The following TMPRSS11F variants were observed in gnomAD, a reference collection of about 807,000 sequenced individuals.
TMPRSS11F encodes transmembrane serine protease 11F.
TMPRSS11F carries 47 observed loss-of-function variants against 60.2 expected under a neutral mutation model. That is an observed-to-expected ratio of 0.78 (90% CI 0.62 to 1.00). The LOEUF (loss-of-function observed/expected upper bound fraction) is 1.00. Among genes scored for constraint, TMPRSS11F ranks in the 50% least tolerant of loss-of-function variants. The probability of loss-of-function intolerance (pLI) is 0.00; values close to 1 mark genes in which losing one functional copy is unlikely to be tolerated. For synonymous variants in TMPRSS11F, 166 were observed against 167.3 expected (o/e 0.99, Z 0.06); for missense variants, 519 against 522.9 (o/e 0.99, Z 0.07).
At position 68,099,480 on chromosome 4, in the gene TMPRSS11F, A is replaced by G. The variant is rs59256773; in HGVS notation, c.12-442T>C. Among the ~76,000 whole-genome samples the G allele has an allele frequency of 2.7e-3, 406 of 152,290 alleles. 5 individuals carry two copies. The East Asian group carries it at 0.049, about 19-fold the overall frequency. On this transcript the variant is annotated intron_variant, in intron 1 of 9. Coordinates refer to ENST00000356291, the MANE Select transcript of TMPRSS11F (RefSeq NM_207407.2). ...TCCCAGTGAAATAAAAAAATGGTGA[A>G]TTGTACTTAGTAAGATTCCACCACT...
At chr4:68,094,929 A>G (rs1027940683) in intron 2 of TMPRSS11F, among the ~76,000 whole-genome samples, 4 of 152,062 alleles carry the variant, frequency 2.6e-5, no homozygotes, top group Admixed American at 2.6e-4. Flanking sequence ...CTGGGTCATG[A>G]AAATGCTTGT....
At chr4:68,058,173 T>C (rs1251688026) in intron 9 of TMPRSS11F, among the ~76,000 whole-genome samples, 1 of 152,190 alleles carries the variant, frequency 6.6e-6, no homozygotes, top group Non-Finnish European at 1.5e-5. Context: ...AGGGTGACTA[T>C]AATCAATAAT....
intron 8 of TMPRSS11F, among the ~76,000 whole-genome samples, chr4:68,060,286 T>C (rs905140891): frequency 1.3e-5 from 2 of 150,134 alleles, no homozygotes; most frequent in Non-Finnish European, 3.0e-5. Context: ...GGCGGGCGGA[T>C]CATGAGGTCA....
chr4:68,068,539 C>T lies in TMPRSS11F; in HGVS notation c.755+79G>A. 6 of 1,254,298 alleles carry T rather than the reference C, an allele frequency of 4.8e-6. No individual in the cohort carries two copies. In the South Asian group the frequency reaches 6.1e-5, roughly 13 times the overall value. 77.7% of individuals were successfully genotyped at this position (1,254,298 alleles called of 1,614,324 possible). A position where few individuals can be genotyped will look rare whatever the true frequency, so the allele number is the denominator to read the frequency against. On this transcript the variant is annotated intron_variant, in intron 7 of 9. Transcript: ENST00000356291. ...TGGAGCAAAGGTTAAACTGGAGAGA[C>T]TGGACTCTTCTGATGCGCTAAATCA...
At chr4:68,085,354 G>A (rs1254416258) in intron 3 of TMPRSS11F, among the ~76,000 whole-genome samples, 9 of 151,862 alleles carry the variant, frequency 5.9e-5, no homozygotes, top group Admixed American at 6.6e-5. Flanking sequence ...CCCACCAACA[G>A]TGTAAAAGTG....
chr4:68,065,767 T>TA (rs11439869), intron 7 of TMPRSS11F, among the ~76,000 whole-genome samples: 89,698 of 147,734 alleles, frequency 0.61, 27,637 homozygotes, highest in East Asian at 0.69. Context: ...TTAAATGTAA[T>TA]AAAAAAAAAA....
intron 2 of TMPRSS11F, among the ~76,000 whole-genome samples, chr4:68,097,685 G>T (rs947227772): frequency 2.0e-5 from 3 of 151,690 alleles, no homozygotes; most frequent in Non-Finnish European, 4.4e-5. Flanking sequence ...TGCTTTTTTT[G>T]TCATTATTTT....
chr4:68,116,274 T>G (rs1724517180), intron 1 of TMPRSS11F, among the ~76,000 whole-genome samples: 1 of 152,182 alleles, frequency 6.6e-6, no homozygotes, highest in Non-Finnish European at 1.5e-5. Context: ...TACATTGGTG[T>G]TGGGAATGCA....
At chr4:68,064,637 G>C (rs1723281960) in intron 8 of TMPRSS11F, 48 bp downstream of exon 8, 2 of 1,585,756 alleles carry the variant, frequency 1.3e-6, no homozygotes, top group Non-Finnish European at 1.7e-6. Flanking sequence ...TAGCTCGTTT[G>C]ATCTCAAGAC....
chr4:68,083,741 T>C (rs1305720096), intron 3 of TMPRSS11F, among the ~76,000 whole-genome samples: 1 of 152,136 alleles, frequency 6.6e-6, no homozygotes, highest in African/African-American at 2.4e-5. Flanking sequence ...TGAAAAAGAA[T>C]AGGTGCAAGA....
intron 1 of TMPRSS11F, among the ~76,000 whole-genome samples, chr4:68,119,759 A>G (rs1724587586): frequency 6.6e-6 from 1 of 152,236 alleles, no homozygotes; most frequent in Non-Finnish European, 1.5e-5. Context: ...AAGGAGATCA[A>G]TGTTGTTTTC....
At chr4:68,095,121 G>C (rs1260582527) in intron 2 of TMPRSS11F, among the ~76,000 whole-genome samples, 1 of 151,050 alleles carries the variant, frequency 6.6e-6, no homozygotes, top group Non-Finnish European at 1.5e-5. Context: ...CAGTTATGAA[G>C]GCAGCATTTT....
intron 7 of TMPRSS11F, among the ~76,000 whole-genome samples, chr4:68,068,078 C>T (rs1352052677): frequency 6.6e-6 from 1 of 152,162 alleles, no homozygotes; most frequent in African/African-American, 2.4e-5. Context: ...GTCTTGAATA[C>T]TGTGAGGGGA....
intron 1 of TMPRSS11F, among the ~76,000 whole-genome samples, chr4:68,119,868 C>T (rs916224029): frequency 6.6e-6 from 1 of 152,044 alleles, no homozygotes. Context: ...AAGGCTATAC[C>T]TCTCATAGTA....
At chr4:68,062,362 A>T (rs990941058) in intron 8 of TMPRSS11F, 2 of 491,634 alleles carry the variant, frequency 4.1e-6, no homozygotes, top group Admixed American at 2.4e-5. Flanking sequence ...TCTATCAGAT[A>T]CACATATTTT....
chr4:68,066,026 GA>G (rs773214487), intron 7 of TMPRSS11F, among the ~76,000 whole-genome samples: 6 of 149,408 alleles, frequency 4.0e-5, no homozygotes, highest in Non-Finnish European at 8.9e-5. Flanking sequence ...TGAGGCAGGA[GA>G]ATCGCTTGTT....
intron 4 of TMPRSS11F, 116 bp from the exon 5 acceptor site, chr4:68,072,602 T>A: frequency 1.5e-6 from 1 of 645,664 alleles, no homozygotes. Flanking sequence ...GCATACCAGA[T>A]TTTTAAATTA....
At chr4:68,128,004 A>C (rs1219820826) in intron 1 of TMPRSS11F, among the ~76,000 whole-genome samples, 1 of 152,126 alleles carries the variant, frequency 6.6e-6, no homozygotes, top group Admixed American at 6.6e-5. Flanking sequence ...GATAAAAGTG[A>C]GGTCTTGAGA....
At chr4:68,062,605 A>G (rs778823485) in intron 8 of TMPRSS11F, 1 of 861,192 alleles carries the variant, frequency 1.2e-6, no homozygotes, top group Non-Finnish European at 2.0e-6. Context: ...CTTTCATTTC[A>G]GTCCAGTGAT....
Sources: allele counts gnomAD v4.1 joint callset (sites outside exome capture counted in the v4.1 genomes callset), GRCh38; gene constraint gnomAD v4.1.1; transcripts MANE v1.5; gene names NCBI Gene and HGNC (gene_info 2026-07-23, HGNC 2026-07-21).